Variants in DNAH7 observed in about 807,000 individuals in gnomAD.
DNAH7 encodes the protein axonemal beta dynein heavy chain 7.
In DNAH7, 397 loss-of-function variants were observed where a neutral mutation model predicts 444.6. The observed-to-expected ratio is 0.89, with a 90% CI of 0.82 to 0.97. The LOEUF is 0.97. Among genes scored for constraint, DNAH7 ranks in the 50% least tolerant of loss-of-function variants. The probability of loss-of-function intolerance (pLI) is 0.00; values close to 1 mark genes in which losing one functional copy is unlikely to be tolerated. For missense variants in DNAH7, 4,902 were observed against 4,800.8 expected (o/e 1.02, Z -0.62); for synonymous variants, 1,636 against 1,624.4 (o/e 1.01, Z -0.17).
intron 34 of DNAH7, among the ~76,000 whole-genome samples, chr2:195,885,801 T>G (rs10203371): frequency 0.011 from 1,681 of 152,240 alleles, 35 homozygotes; most frequent in African/African-American, 0.038. Flanking sequence ...TAAATTATTA[T>G]AGTTTGGAAA....
chr2:195,882,098 T>C (rs777825567), intron 35 of DNAH7, 106 bp from the exon 36 acceptor site: 1 of 847,702 alleles, frequency 1.2e-6, no homozygotes, highest in Non-Finnish European at 1.8e-6. Flanking sequence ...CCCTGATATG[T>C]ATACATTTGT....
rs1696734690 is a variant in DNAH7, at chr2:195,806,770, C to T, written c.10146G>A (p.Met3382Ile). ...CTGGCCTCAAGCAACGAATAATAAG[C>T]ATCCTTTGAAACTCATTTGCTTTAT... The part of the protein sequence containing the change: ...WEDKANEFQR[M>I]LIIRCLRPDK... Residue 3382 changes from methionine (M) to isoleucine (I), a missense_variant, in exon 54 of 65, where the codon ATG becomes ATA. Physicochemically the swap from Met to Ile is conservative, Grantham distance 10 (BLOSUM62 1). Transcript: ENST00000312428. 6.2e-7 allele frequency: 1 copy of T among 1,613,638 alleles called. No individual in the cohort carries two copies. Among genetic ancestry groups the T allele is most frequent in the East Asian group, 2.2e-5 (1 of 44,824 alleles).
At chr2:195,936,860 A>G in intron 19 of DNAH7, 68 bp from the exon 20 acceptor site, 1 of 1,160,674 alleles carries the variant, frequency 8.6e-7, no homozygotes, top group Middle Eastern at 3.1e-4. Context: ...TATTCATATT[A>G]TATTTGAGAT....
chr2:195,787,293 C>T, intron 57 of DNAH7, 122 bp from the exon 58 acceptor site: 1 of 1,021,468 alleles, frequency 9.8e-7, no homozygotes. Context: ...ATATTCATCC[C>T]AAATTACAAT....
intron 24 of DNAH7, among the ~76,000 whole-genome samples, chr2:195,917,399 G>C (rs948489057): frequency 4.6e-5 from 7 of 151,954 alleles, no homozygotes; most frequent in African/African-American, 1.5e-4. Flanking sequence ...AGTGCTGGCA[G>C]GCCACTGCAC....
chr2:195,779,405 C>T (rs571992071), intron 58 of DNAH7, among the ~76,000 whole-genome samples: 1 of 152,224 alleles, frequency 6.6e-6, no homozygotes, highest in Non-Finnish European at 1.5e-5. Context: ...ATAAACATTA[C>T]CAGTCTGCTT....
At chr2:196,041,172 T>C (rs1696734975) in intron 5 of DNAH7, among the ~76,000 whole-genome samples, 1 of 151,900 alleles carries the variant, frequency 6.6e-6, no homozygotes, top group South Asian at 2.1e-4. Context: ...AAAATACAAA[T>C]GACACTCTTC....
At chr2:195,756,392 AT>A in intron 61 of DNAH7, 107 bp from the exon 62 acceptor site, 1 of 1,050,988 alleles carries the variant, frequency 9.5e-7, no homozygotes, top group Non-Finnish European at 1.3e-6. Flanking sequence ...TTACATTGTG[AT>A]TAGTTAAGGT....
In DNAH7 at chr2:196,015,522, T is replaced by C. The variant is rs570116511; in HGVS notation, c.870-2616A>G. Among the ~76,000 whole-genome samples the C allele has an allele frequency of 7.9e-5, 12 of 152,324 alleles. No homozygotes were observed. The South Asian group carries it at 1.5e-3, about 18-fold the overall frequency. On this transcript the variant is annotated intron_variant, in intron 9 of 64. Transcript: ENST00000312428. Reference sequence around the variant, plus strand: ...TTTCTACATTCTCTTGTGATCTTCATATACGCATTATTTTACAAGCAAAAA... The same window carrying C: ...TTTCTACATTCTCTTGTGATCTTCACATACGCATTATTTTACAAGCAAAAA...
chr2:195,808,670 G>T lies in DNAH7; in HGVS notation c.10083+12C>A. The T allele has an allele frequency of 1.2e-6, 2 of 1,612,924 alleles. No individual in the cohort carries two copies. The highest frequency in any genetic ancestry group is 1.7e-6 in the Non-Finnish European group (2 of 1,179,566). Reference sequence around the variant, plus strand: ...TAAAAACATTGGAATAAGTGAGAGGGTTAAAACATACCAAACTATCATATA... The same window carrying T: ...TAAAAACATTGGAATAAGTGAGAGGTTTAAAACATACCAAACTATCATATA... On this transcript the variant is annotated intron_variant, in intron 53 of 64. Transcript: ENST00000312428.
chr2:195,784,906 T>C (rs1008774404), intron 58 of DNAH7, among the ~76,000 whole-genome samples: 7 of 140,240 alleles, frequency 5.0e-5, no homozygotes, highest in African/African-American at 1.8e-4. Flanking sequence ...GTTAATATCT[T>C]TGACCCTTTT....
Position 195,900,312 on chromosome 2 carries a change from C to T in DNAH7, c.4518G>A (p.Lys1506=), listed in dbSNP as rs1259068540. Residue 1506 remains lysine (K), a synonymous_variant, in exon 28 of 65, where the codon AAG becomes AAA. Coordinates refer to ENST00000312428, the MANE Select transcript of DNAH7 (RefSeq NM_018897.3). ...GATTCCCAGCAGCAGTAAGAACTGACTTCACGGCTCTCATTCCATAGTCGT... is the reference window on the plus strand; with the variant it reads ...GATTCCCAGCAGCAGTAAGAACTGATTTCACGGCTCTCATTCCATAGTCGT... The part of the protein sequence containing the change: ...HHYDYGMRAV[K]SVLTAAGNLK... 1 of 1,613,856 alleles carries T rather than the reference C, an allele frequency of 6.2e-7. No homozygotes were observed. The highest frequency in any genetic ancestry group is 8.5e-7 in the Non-Finnish European group (1 of 1,179,902).
rs563019655 is a variant in DNAH7 at position 196,062,586 on chromosome 2, T to TC, written c.16-4471dup. ...TTAGTACTTGAGAATGCCTCCATCT[T>TC]CCTGTAACTAAATCTACAGACCTAC... On this transcript the variant is annotated intron_variant, in intron 1 of 64. Transcript: ENST00000312428. 7.0e-4 allele frequency among the ~76,000 whole-genome samples: 107 copies of TC among 152,326 alleles called. 1 individual carries two copies. Among genetic ancestry groups the TC allele is most frequent in the Non-Finnish European group, 2.6e-4 (18 of 68,022 alleles).
chr2:196,050,540 C>A (rs1007810742), intron 3 of DNAH7, among the ~76,000 whole-genome samples: 3 of 151,920 alleles, frequency 2.0e-5, no homozygotes, highest in Admixed American at 6.6e-5. Context: ...ATAATATTTG[C>A]ATTGACCCTC....
At chr2:195,959,182 A>C (rs908173657) in intron 18 of DNAH7, among the ~76,000 whole-genome samples, 2 of 152,172 alleles carry the variant, frequency 1.3e-5, no homozygotes, top group South Asian at 2.1e-4. Context: ...TAGATCTTTA[A>C]AACAAAGAAA....
intron 29 of DNAH7, among the ~76,000 whole-genome samples, chr2:195,895,879 G>T (rs986070548): frequency 6.6e-6 from 1 of 152,090 alleles, no homozygotes. Flanking sequence ...TGTCACAGCA[G>T]GTATCAATAG....
At position 195,857,489 on chromosome 2, in the gene DNAH7, T is replaced by C. The variant is rs755647361; in HGVS notation, c.8302A>G (p.Ile2768Val). Residue 2768 changes from isoleucine to valine, a missense_variant, in exon 44 of 65, where the codon ATA (isoleucine) becomes GTA (valine). By Grantham distance (29) the Ile-to-Val change is conservative. Coordinates refer to ENST00000312428, the MANE Select transcript of DNAH7 (RefSeq NM_018897.3). ...DNIPPAYMNI[I>V]RKNYIPNPDF... ...GGATTTGGAATATAATTTTTTCTTA[T>C]GATATTCATATAAGCTGGAGGAATA... The C allele has an allele frequency of 8.1e-6, 13 of 1,613,564 alleles. No individual in the cohort carries two copies. In the Admixed American group the frequency reaches 8.3e-5, roughly 10 times the overall value.
intron 2 of DNAH7, among the ~76,000 whole-genome samples, chr2:196,055,167 G>A (rs753766750): frequency 6.6e-6 from 1 of 151,960 alleles, no homozygotes; most frequent in African/African-American, 2.4e-5. Context: ...ACCAGCCTGG[G>A]CAACATGGTG....
At chr2:195,784,898 T>A (rs573607716) in intron 58 of DNAH7, among the ~76,000 whole-genome samples, 1 of 149,122 alleles carries the variant, frequency 6.7e-6, no homozygotes, top group South Asian at 2.1e-4. Flanking sequence ...AGATGTCTGT[T>A]AATATCTTTG....
Sources: gnomAD v4.1 joint callset for allele counts (sites outside exome capture counted in the v4.1 genomes callset) on GRCh38, gnomAD v4.1.1 for gene constraint, MANE v1.5 for transcripts, NCBI Gene and HGNC (gene_info 2026-07-23, HGNC 2026-07-21) for gene names.